The following TSPAN2 variants were observed in gnomAD, a reference collection of about 807,000 sequenced individuals.
The protein encoded by TSPAN2 is tetraspanin 2.
Under a neutral mutation model 33.3 loss-of-function variants are expected in TSPAN2, and 24 were observed. That is an observed-to-expected ratio of 0.72 (90% CI 0.52 to 1.01). TSPAN2 has a LOEUF of 1.01. Ranked by LOEUF, TSPAN2 falls within the 50% of genes least tolerant of loss-of-function variation. The pLI is 0.00. For synonymous variants in TSPAN2, 114 were observed against 104.5 expected (o/e 1.09, Z -0.56); for missense variants, 278 against 281.3 (o/e 0.99, Z 0.08).
At chr1:115,084,328 C>G (rs1400961636) in intron 1 of TSPAN2, among the ~76,000 whole-genome samples, 1 of 152,176 alleles carries the variant, frequency 6.6e-6, no homozygotes, top group South Asian at 2.1e-4. Flanking sequence ...AGAGGTTAAA[C>G]AACTTGCCCA....
At chr1:115,079,808 T>C (rs1648556649) in intron 1 of TSPAN2, among the ~76,000 whole-genome samples, 1 of 152,184 alleles carries the variant, frequency 6.6e-6, no homozygotes, top group Non-Finnish European at 1.5e-5. Context: ...ATTATTTTCC[T>C]CATGCCATTT....
At chr1:115,057,498 G>A in intron 6 of TSPAN2, 39 bp downstream of exon 6, 2 of 1,580,352 alleles carry the variant, frequency 1.3e-6, no homozygotes, top group African/African-American at 1.3e-5. Context: ...CTAGCAGCAT[G>A]ATACTACAGG....
At chr1:115,061,716 G>T (rs1180613661) in intron 3 of TSPAN2, among the ~76,000 whole-genome samples, 3 of 152,006 alleles carry the variant, frequency 2.0e-5, no homozygotes, top group African/African-American at 7.3e-5. Context: ...CTGTCGCCCA[G>T]GTTGGAGTGC....
intron 2 of TSPAN2, among the ~76,000 whole-genome samples, chr1:115,065,456 T>C (rs1416791163): frequency 1.3e-5 from 2 of 152,246 alleles, no homozygotes; most frequent in Admixed American, 1.3e-4. Context: ...CGAGTCCTAT[T>C]GCCTTTGATT....
At chr1:115,068,965 A>G (rs1184874741) in intron 2 of TSPAN2, among the ~76,000 whole-genome samples, 1 of 152,140 alleles carries the variant, frequency 6.6e-6, no homozygotes, top group Admixed American at 6.5e-5. Context: ...CACCAGGAGG[A>G]GCTGGGAAGC....
intron 2 of TSPAN2, among the ~76,000 whole-genome samples, chr1:115,065,262 A>G (rs1205046531): frequency 6.6e-6 from 1 of 152,214 alleles, no homozygotes; most frequent in African/African-American, 2.4e-5. Context: ...CCATAAGGCC[A>G]CCTGTGGCTT....
chr1:115,073,468 A>G (rs1648270082), intron 1 of TSPAN2, among the ~76,000 whole-genome samples: 1 of 152,068 alleles, frequency 6.6e-6, no homozygotes, highest in African/African-American at 2.4e-5. Flanking sequence ...GACCTGGGGG[A>G]AACCCACTTT....
intron 6 of TSPAN2, among the ~76,000 whole-genome samples, chr1:115,056,109 G>A (rs1376703027): frequency 1.3e-5 from 2 of 152,068 alleles, no homozygotes; most frequent in Non-Finnish European, 2.9e-5. Context: ...ACGACATCAC[G>A]TTTACCAAAA....
At chr1:115,053,604 T>TTGATA (rs2101021567) in intron 6 of TSPAN2, 142 bp from the exon 7 acceptor site, 1 of 714,160 alleles carries the variant, frequency 1.4e-6, no homozygotes, top group Non-Finnish European at 2.3e-6. Context: ...CAATTCATCT[T>TTGATA]TGATAACATC....
chr1:115,069,426 A>G (rs1433552407), intron 2 of TSPAN2, among the ~76,000 whole-genome samples: 2 of 152,234 alleles, frequency 1.3e-5, no homozygotes, highest in East Asian at 3.8e-4. Flanking sequence ...AACGAGAGTT[A>G]GGCCTGGGGC....
chr1:115,073,518 C>A (rs1341439031), intron 1 of TSPAN2, among the ~76,000 whole-genome samples: 1 of 134,502 alleles, frequency 7.4e-6, no homozygotes, highest in Non-Finnish European at 1.6e-5. Flanking sequence ...AACCTCAGAA[C>A]CCACCCACAC....
chr1:115,080,046 A>T (rs1377035654), intron 1 of TSPAN2, among the ~76,000 whole-genome samples: 2 of 152,204 alleles, frequency 1.3e-5, no homozygotes. Context: ...GGGTCAACCA[A>T]CATTGCTGGG....
intron 1 of TSPAN2, among the ~76,000 whole-genome samples, chr1:115,089,105 G>A (rs986577232): frequency 3.3e-5 from 5 of 152,100 alleles, no homozygotes; most frequent in Non-Finnish European, 7.4e-5. Flanking sequence ...AAGGCAGGTG[G>A]GGGTTCCTTC....
intron 1 of TSPAN2, 61 bp downstream of exon 1, chr1:115,089,297 GGACCCC>G: frequency 7.1e-7 from 1 of 1,407,574 alleles, no homozygotes; most frequent in Non-Finnish European, 9.6e-7. Context: ...AGCAGCTCGG[GGACCCC>G]GGCCCCGCGC....
chr1:115,080,661 T>A (rs762616068), intron 1 of TSPAN2, among the ~76,000 whole-genome samples: 1 of 152,212 alleles, frequency 6.6e-6, no homozygotes, highest in African/African-American at 2.4e-5. Flanking sequence ...CTTTCTCAAA[T>A]GAAGATCAAA....
At chr1:115,060,964 G>T (rs1045259558) in intron 3 of TSPAN2, among the ~76,000 whole-genome samples, 5 of 152,178 alleles carry the variant, frequency 3.3e-5, no homozygotes, top group African/African-American at 1.2e-4. Flanking sequence ...CACTGATGCG[G>T]CCTGGGCATG....
chr1:115,081,714 C>A (rs927326698), intron 1 of TSPAN2, among the ~76,000 whole-genome samples: 2 of 152,220 alleles, frequency 1.3e-5, no homozygotes, highest in African/African-American at 4.8e-5. Flanking sequence ...ATGTTACACA[C>A]TGAGAACAGT....
intron 1 of TSPAN2, among the ~76,000 whole-genome samples, chr1:115,085,483 C>G (rs2101050585): frequency 6.6e-6 from 1 of 152,278 alleles, no homozygotes; most frequent in East Asian, 1.9e-4. Flanking sequence ...TCTATGCTTA[C>G]TTCTGGCGAG....
chr1:115,049,286 A>G lies in TSPAN2; in HGVS notation c.*1204T>C, dbSNP rs967972346. The G allele has an allele frequency of 2.6e-5, 4 of 152,538 alleles. No homozygotes were observed. Among genetic ancestry groups the G allele is most frequent in the Non-Finnish European group, 4.4e-5 (3 of 67,982 alleles). 9.4% of individuals were successfully genotyped at this position (152,538 alleles called of 1,614,324 possible). On this transcript the variant is annotated 3_prime_UTR_variant, in exon 8 of 8. Transcript: ENST00000369516. The stretch of plus-strand genomic sequence containing the variant: ...AACATTATTTTTGTTCTGTGTATAT[A>G]TAAGTATTTTTGTTTCCTTAACTTG...
Sources: allele counts gnomAD v4.1 joint callset (sites outside exome capture counted in the v4.1 genomes callset), GRCh38; gene constraint gnomAD v4.1.1; transcripts MANE v1.5; gene names NCBI Gene and HGNC (gene_info 2026-07-23, HGNC 2026-07-21).